Variants in GINS1 observed in about 807,000 individuals in gnomAD.
GINS1 encodes the protein GINS complex subunit 1.
A neutral mutation model predicts 34.9 loss-of-function variants in GINS1; 26 were observed. That is an observed-to-expected ratio of 0.74 (90% CI 0.55 to 1.03). The LOEUF (loss-of-function observed/expected upper bound fraction) is 1.03. Ranked by LOEUF, GINS1 falls within the 50% of genes least tolerant of loss-of-function variation. The probability of loss-of-function intolerance (pLI) is 0.00; values close to 1 mark genes in which losing one functional copy is unlikely to be tolerated. For missense variants in GINS1, 235 were observed against 237.9 expected, an observed-to-expected ratio of 0.99 and a Z score of 0.08; for synonymous variants, 97 against 84.4, an observed-to-expected ratio of 1.15 and a Z score of -0.82.
rs2090325409 is a variant in GINS1, at chr20:25,417,100, T to C, written c.141-4T>C. ...TTTTTTTTCTTTTTAAATGCTCCTA[T>C]CAGGAATGAAGCAAAGTCAGGTGGA... On this transcript the variant is annotated splice_polypyrimidine_tract_variant and splice_region_variant and intron_variant, in intron 2 of 6. Transcript: ENST00000262460. 2 of 1,418,332 alleles carry C rather than the reference T, an allele frequency of 1.4e-6. No individual in the cohort carries two copies. Among genetic ancestry groups the C allele is most frequent in the African/African-American group, 2.8e-5 (2 of 70,896 alleles). 87.9% of individuals were successfully genotyped at this position (1,418,332 alleles called of 1,614,324 possible). A position where few individuals can be genotyped will look rare whatever the true frequency, so the allele number is the denominator to read the frequency against.
At chr20:25,431,960 C>T (rs1159191311) in intron 5 of GINS1, among the ~76,000 whole-genome samples, 3 of 151,846 alleles carry the variant, frequency 2.0e-5, no homozygotes, top group Non-Finnish European at 4.4e-5. Flanking sequence ...CTCCATTTCC[C>T]GGGTTCAAGT....
chr20:25,425,103 G>A (rs1816375823), intron 4 of GINS1, 108 bp from the exon 5 acceptor site: 1 of 619,636 alleles, frequency 1.6e-6, no homozygotes, highest in Non-Finnish European at 2.9e-6. Flanking sequence ...TGAATGAATG[G>A]TCACAACAGT....
At chr20:25,419,771 TC>T in intron 4 of GINS1, 1 of 224,790 alleles carries the variant, frequency 4.4e-6, no homozygotes, top group South Asian at 4.3e-5. Context: ...CAAGCAATTC[TC>T]CTGCCTCAGC....
At chr20:25,423,648 G>C (rs1307240987) in intron 4 of GINS1, among the ~76,000 whole-genome samples, 2 of 108,194 alleles carry the variant, frequency 1.8e-5, no homozygotes, top group African/African-American at 7.3e-5. Context: ...GAGTCTCTCT[G>C]TTGCCCCCAG....
chr20:25,426,374 A>C (rs541588399), intron 5 of GINS1, among the ~76,000 whole-genome samples: 2 of 151,652 alleles, frequency 1.3e-5, no homozygotes, highest in South Asian at 4.2e-4. Flanking sequence ...GACTAGCCTG[A>C]CCAACATGGA....
chr20:25,440,776 A>G (rs1339500968), intron 5 of GINS1, among the ~76,000 whole-genome samples: 1 of 143,862 alleles, frequency 7.0e-6, no homozygotes, highest in South Asian at 2.2e-4. Context: ...ACACCACTGC[A>G]CTCTGGCCTG....
In GINS1 at chr20:25,417,191, T is replaced by C; in HGVS notation, c.228T>C (p.Thr76=). ...HCSLLRNRRC[T]VAYLYDRLLR... Reference sequence around the variant, plus strand: ...CTCTGTTAAGAAATCGACGCTGCACTGTAGCATACCTGTAAGCTTCTCAGT... The same window carrying C: ...CTCTGTTAAGAAATCGACGCTGCACCGTAGCATACCTGTAAGCTTCTCAGT... Residue 76 remains threonine (T), a synonymous_variant, in exon 3 of 7, where the codon ACT becomes ACC. Coordinates refer to ENST00000262460, the MANE Select transcript of GINS1 (RefSeq NM_021067.5). 1 of 1,540,428 alleles carries C rather than the reference T, an allele frequency of 6.5e-7. No homozygotes were observed. Among genetic ancestry groups the C allele is most frequent in the Non-Finnish European group, 9.0e-7 (1 of 1,114,718 alleles).
chr20:25,437,281 T>G (rs758991044), intron 5 of GINS1, among the ~76,000 whole-genome samples: 4 of 152,240 alleles, frequency 2.6e-5, no homozygotes, highest in Non-Finnish European at 2.9e-5. Context: ...TCTGCCAGCC[T>G]CATCATTTGC....
At chr20:25,443,218 A>G (rs1315391867) in intron 6 of GINS1, 2 of 152,206 alleles carry the variant, frequency 1.3e-5, no homozygotes, top group Non-Finnish European at 2.9e-5. Flanking sequence ...CTTCTAAAAC[A>G]AAGGTTGAAT....
intron 2 of GINS1, among the ~76,000 whole-genome samples, chr20:25,415,868 A>G (rs1352685573): frequency 6.6e-6 from 1 of 152,180 alleles, no homozygotes; most frequent in Non-Finnish European, 1.5e-5. Context: ...ACTTCTCTCC[A>G]AAGAGGAGAC....
At position 25,414,189 on chromosome 20, in the gene GINS1, CAA is replaced by C. The variant is rs58400500; in HGVS notation, c.140+357_140+358del. ...TGGCGATAGGGCAAGACTCTGTCTC[CAA>C]AAAAAAAAAAAAAAAAAAAAAGATG... On this transcript the variant is annotated intron_variant, in intron 2 of 6. Coordinates refer to ENST00000262460, the MANE Select transcript of GINS1 (RefSeq NM_021067.5). Among the ~76,000 whole-genome samples the C allele has an allele frequency of 8.4e-4, 57 of 67,648 alleles. No homozygotes were observed. The East Asian group carries it at 0.02, about 24-fold the overall frequency. 44.4% of individuals were successfully genotyped at this position (67,648 alleles called of 152,430 possible).
Position 25,425,728 on chromosome 20 carries a change from A to G in GINS1, c.447+401A>G, listed in dbSNP as rs183592644. The stretch of plus-strand genomic sequence containing the variant: ...AAAGTTAAATCAAAATGGAAAATCA[A>G]TGCTAAATTTTGAAAGTAAAAAAAG... On this transcript the variant is annotated intron_variant, in intron 5 of 6. Coordinates refer to ENST00000262460, the MANE Select transcript of GINS1 (RefSeq NM_021067.5). Among the ~76,000 whole-genome samples, 481 of 152,120 alleles carry G rather than the reference A, an allele frequency of 3.2e-3. 14 individuals carry two copies. Among genetic ancestry groups the G allele is most frequent in the South Asian group, 8.5e-3 (41 of 4,824 alleles).
At chr20:25,443,206 A>G (rs999575773) in intron 6 of GINS1, 13 of 152,160 alleles carry the variant, frequency 8.5e-5, no homozygotes, top group African/African-American at 3.1e-4. Context: ...ATACCCTTGG[A>G]GCTTCTAAAA....
chr20:25,408,350 C>G (rs1283597784), intron 1 of GINS1, among the ~76,000 whole-genome samples: 1 of 152,180 alleles, frequency 6.6e-6, no homozygotes, highest in Non-Finnish European at 1.5e-5. Flanking sequence ...TAGTACCCAA[C>G]GCATGATGTA....
At chr20:25,442,099 C>CT (rs1323985141) in intron 6 of GINS1, among the ~76,000 whole-genome samples, 1 of 152,088 alleles carries the variant, frequency 6.6e-6, no homozygotes, top group Admixed American at 6.6e-5. Context: ...GATTTAGCTC[C>CT]TTTGTTCATA....
intron 1 of GINS1, chr20:25,408,966 G>A (rs542437704): frequency 4.1e-6 from 4 of 983,644 alleles, no homozygotes; most frequent in Non-Finnish European, 3.6e-6. Context: ...GTGATACTAA[G>A]GAGGTATAGC....
intron 1 of GINS1, 154 bp from the exon 2 acceptor site, chr20:25,413,636 C>T (rs2090301204): frequency 8.2e-6 from 5 of 608,436 alleles, no homozygotes; most frequent in Non-Finnish European, 1.5e-5. Context: ...CCGCATCTCA[C>T]CAACACTTGT....
intron 2 of GINS1, among the ~76,000 whole-genome samples, 168 bp from the exon 3 acceptor site, chr20:25,416,936 A>G (rs1342423126): frequency 1.3e-5 from 2 of 152,228 alleles, no homozygotes; most frequent in Non-Finnish European, 2.9e-5. Flanking sequence ...TTGGCTTTTT[A>G]ACATATTAAT....
intron 1 of GINS1, 131 bp from the exon 2 acceptor site, chr20:25,413,659 A>G (rs1324821024): frequency 1.5e-6 from 1 of 650,306 alleles, no homozygotes; most frequent in Non-Finnish European, 2.8e-6. Context: ...TAACCATGCT[A>G]GTGGGGTGTG....
Sources: gnomAD v4.1 joint callset for allele counts (sites outside exome capture counted in the v4.1 genomes callset) on GRCh38, gnomAD v4.1.1 for gene constraint, MANE v1.5 for transcripts, NCBI Gene and HGNC (gene_info 2026-07-23, HGNC 2026-07-21) for gene names.